The following TMCO4 variants were observed in gnomAD, a reference collection of about 807,000 sequenced individuals.
TMCO4 encodes transmembrane and coiled-coil domain-containing protein 4.
A neutral mutation model predicts 64.7 loss-of-function variants in TMCO4; 58 were observed. That is an observed-to-expected ratio of 0.90 (90% CI 0.73 to 1.12). The LOEUF is 1.12. TMCO4 is among the 50% of genes most tolerant of loss of function. The pLI, the probability that TMCO4 is intolerant of heterozygous loss-of-function variation, is 0.00. For synonymous variants in TMCO4, 325 were observed against 346.1 expected, an observed-to-expected ratio of 0.94 and a Z score of 0.68; for missense variants, 780 against 825.9, an observed-to-expected ratio of 0.94 and a Z score of 0.68.
intron 13 of TMCO4, among the ~76,000 whole-genome samples, chr1:19,712,416 C>T (rs901278064): frequency 4.6e-5 from 7 of 151,678 alleles, no homozygotes; most frequent in Admixed American, 3.3e-4. Flanking sequence ...GTCAGGAGTT[C>T]GAGACCAGCC....
chr1:19,740,652 C>T, intron 11 of TMCO4, 125 bp downstream of exon 11: 1 of 1,122,250 alleles, frequency 8.9e-7, no homozygotes, highest in South Asian at 1.6e-5. Context: ...CTTAACCTCT[C>T]TGTGTTCCTA....
intron 13 of TMCO4, among the ~76,000 whole-genome samples, chr1:19,706,133 G>A (rs2095302067): frequency 6.6e-6 from 1 of 152,096 alleles, no homozygotes; most frequent in Non-Finnish European, 1.5e-5. Context: ...CAAACTCCTG[G>A]ACTCAGGTAA....
At chr1:19,787,403 C>A (rs545085524) in intron 2 of TMCO4, among the ~76,000 whole-genome samples, 2 of 152,360 alleles carry the variant, frequency 1.3e-5, no homozygotes, top group South Asian at 4.1e-4. Context: ...ACTCTCTGTA[C>A]CCTGAGCTGT....
At chr1:19,694,971 C>G (rs10799833) in intron 14 of TMCO4, among the ~76,000 whole-genome samples, 86,404 of 152,122 alleles carry the variant, frequency 0.57, 25,387 homozygotes, top group Non-Finnish European at 0.65. Flanking sequence ...TCCAGGGCTC[C>G]CTGGAAAAAG....
chr1:19,689,365 G>A lies in TMCO4; in HGVS notation c.1500+5069C>T, dbSNP rs552361405. Reference sequence around the variant, plus strand: ...CACGAAGACAGCCTGAGGAGGGAGCGGAGTCTCCAAAACTGCTGGTCCCAG... The same window carrying A: ...CACGAAGACAGCCTGAGGAGGGAGCAGAGTCTCCAAAACTGCTGGTCCCAG... On this transcript the variant is annotated intron_variant, in intron 15 of 15. Coordinates refer to ENST00000294543, the MANE Select transcript of TMCO4 (RefSeq NM_181719.7). 5.9e-5 allele frequency among the ~76,000 whole-genome samples: 9 copies of A among 152,324 alleles called. No homozygotes were observed. The East Asian group carries it at 1.3e-3, about 23-fold the overall frequency.
At chr1:19,704,854 C>T (rs1001777772) in intron 13 of TMCO4, among the ~76,000 whole-genome samples, 9 of 152,156 alleles carry the variant, frequency 5.9e-5, no homozygotes, top group African/African-American at 2.2e-4. Context: ...ATAAAATAGT[C>T]CTGAGCACAG....
chr1:19,761,295 C>A (rs1000050094), intron 6 of TMCO4, among the ~76,000 whole-genome samples: 1 of 152,214 alleles, frequency 6.6e-6, no homozygotes, highest in Non-Finnish European at 1.5e-5. Flanking sequence ...CACCTCTCCC[C>A]GAAGCCCGCC....
chr1:19,765,465 A>G (rs1313221866), intron 6 of TMCO4, among the ~76,000 whole-genome samples: 1 of 104,520 alleles, frequency 9.6e-6, no homozygotes, highest in Non-Finnish European at 1.9e-5. Context: ...CATTGGAGCC[A>G]TTTCTGGTTA....
In TMCO4 at chr1:19,745,648, T is replaced by C. The variant is rs1293817835; in HGVS notation, c.761A>G (p.Tyr254Cys). The change falls in exon 10 of 16, where the codon TAC becomes TGC. Residue 254 changes from tyrosine (Y) to cysteine (C), a missense_variant. Transcript: ENST00000294543. ...FGAAGAGLTG[Y>C]KMKKRVGAIE... ...GGCTCCCACTCGCTTCTTCATCTTG[T>C]ATCCTAAAGACCCAGATCCGAGAAA... is the stretch of plus-strand genomic sequence containing the variant. 1 of 1,609,490 alleles carries C rather than the reference T, an allele frequency of 6.2e-7. No homozygotes were observed. The highest frequency in any genetic ancestry group is 1.3e-5 in the African/African-American group (1 of 75,000).
intron 2 of TMCO4, 40 bp from the exon 3 acceptor site, chr1:19,787,157 G>A (rs114803243): frequency 0.023 from 3,553 of 152,452 alleles, 145 homozygotes; most frequent in African/African-American, 0.081. Context: ...GTGGGTCCAC[G>A]GAGTGTGAGA....
chr1:19,701,450 G>A (rs1049317135), intron 13 of TMCO4, among the ~76,000 whole-genome samples: 3 of 152,302 alleles, frequency 2.0e-5, no homozygotes, highest in Non-Finnish European at 2.9e-5. Context: ...GGGATTACAA[G>A]CGTGAGCCAC....
rs1272682847 is a variant in TMCO4, at chr1:19,799,907, C to T, written c.-232G>A. 3 of 151,836 alleles carry T rather than the reference C, an allele frequency of 2.0e-5. No homozygotes were observed. The highest frequency in any genetic ancestry group is 4.4e-5 in the Non-Finnish European group (3 of 67,714). 9.4% of individuals were successfully genotyped at this position (151,836 alleles called of 1,614,324 possible). The stretch of plus-strand genomic sequence containing the variant: ...GAGGCGGCAAAACCGGCGAGCGGCT[C>T]CTCCCGCCCGGCCCGGCCCGGCCCC... On this transcript the variant is annotated 5_prime_UTR_variant, in exon 1 of 16. Transcript: ENST00000294543.
chr1:19,745,351 G>C, intron 10 of TMCO4, 181 bp downstream of exon 10: 1 of 931,478 alleles, frequency 1.1e-6, no homozygotes, highest in South Asian at 1.6e-5. Flanking sequence ...TGGATGGCGA[G>C]ATGATGGGCA....
At chr1:19,702,520 G>A (rs1394048066) in intron 13 of TMCO4, among the ~76,000 whole-genome samples, 1 of 151,988 alleles carries the variant, frequency 6.6e-6, no homozygotes, top group South Asian at 2.1e-4. Flanking sequence ...GCTTGAGCCC[G>A]GAGGCAGAGG....
chr1:19,766,263 C>A (rs976312651), intron 6 of TMCO4, among the ~76,000 whole-genome samples: 1 of 152,192 alleles, frequency 6.6e-6, no homozygotes, highest in Non-Finnish European at 1.5e-5. Flanking sequence ...AGGGCACTGC[C>A]CTCATGGAGC....
At chr1:19,721,377 A>G (rs1051050782) in intron 13 of TMCO4, among the ~76,000 whole-genome samples, 1 of 152,208 alleles carries the variant, frequency 6.6e-6, no homozygotes, top group African/African-American at 2.4e-5. Flanking sequence ...CACGTGCTCC[A>G]TTGCTTGAGA....
At chr1:19,695,990 T>C (rs2095233866) in intron 14 of TMCO4, among the ~76,000 whole-genome samples, 1 of 152,048 alleles carries the variant, frequency 6.6e-6, no homozygotes, top group South Asian at 2.1e-4. Flanking sequence ...GGTCAAGCCC[T>C]GAGAGCAGGC....
intron 2 of TMCO4, among the ~76,000 whole-genome samples, chr1:19,788,246 T>C (rs911776652): frequency 6.6e-6 from 1 of 152,170 alleles, no homozygotes; most frequent in Non-Finnish European, 1.5e-5. Flanking sequence ...GTTAAAGCAA[T>C]GGAGAGGAGA....
At chr1:19,726,463 TA>T (rs77193196) in intron 13 of TMCO4, among the ~76,000 whole-genome samples, 143 of 143,114 alleles carry the variant, frequency 1.0e-3, no homozygotes, top group Admixed American at 1.3e-3. Context: ...GACTCTGTCT[TA>T]AAAAAAAAAA....
Sources: gnomAD v4.1 joint callset for allele counts (sites outside exome capture counted in the v4.1 genomes callset) on GRCh38, gnomAD v4.1.1 for gene constraint, MANE v1.5 for transcripts, NCBI Gene and HGNC (gene_info 2026-07-23, HGNC 2026-07-21) for gene names.